The following RBFOX1 variants were observed in gnomAD, a reference collection of about 807,000 sequenced individuals.
RBFOX1 encodes RNA binding protein fox-1 homolog 1.
RBFOX1 carries 8 observed loss-of-function variants against 57.7 expected under a neutral mutation model. The ratio of observed to expected loss-of-function variants is 0.14; its 90% CI spans 0.08 to 0.25. The LOEUF is 0.25. Among genes scored for constraint, RBFOX1 ranks in the 10% least tolerant of loss-of-function variants. RBFOX1 has a pLI of 1.00. For missense variants in RBFOX1, 611 were observed against 548.5 expected, an observed-to-expected ratio of 1.11 and a Z score of -1.14; for synonymous variants, 326 against 222.4, an observed-to-expected ratio of 1.47 and a Z score of -4.15.
At position 5,397,025 on chromosome 16, in the gene RBFOX1, G is replaced by A. The variant is rs551745126; in HGVS notation, c.220-70191G>A. 1.4e-3 allele frequency among the ~76,000 whole-genome samples: 212 copies of A among 152,258 alleles called. 1 individual carries two copies. Among genetic ancestry groups the A allele is most frequent in the Non-Finnish European group, 2.4e-3 (164 of 68,022 alleles). On this transcript the variant is annotated intron_variant, in intron 1 of 2. Transcript: ENST00000585867. ...AGATCTCAGGTTGTCTGGCTTATAGGGGCCATCCCTACCAAAGGTCATAAT... is the reference window on the plus strand; with the variant it reads ...AGATCTCAGGTTGTCTGGCTTATAGAGGCCATCCCTACCAAAGGTCATAAT...
chr16:6,556,694 G>C (rs1011868813), intron 2 of RBFOX1, among the ~76,000 whole-genome samples: 1 of 152,246 alleles, frequency 6.6e-6, no homozygotes, highest in Middle Eastern at 3.4e-3. Flanking sequence ...ATGATATAGA[G>C]AATTAAATGT....
intron 9 of RBFOX1, among the ~76,000 whole-genome samples, chr16:7,604,237 T>C (rs2095186983): frequency 6.6e-6 from 1 of 151,978 alleles, no homozygotes; most frequent in Non-Finnish European, 1.5e-5. Flanking sequence ...AGAAATTGGG[T>C]TTTCATTCCC....
intron 5 of RBFOX1, among the ~76,000 whole-genome samples, chr16:7,541,321 G>T (rs1389189697): frequency 6.6e-6 from 1 of 152,198 alleles, no homozygotes; most frequent in African/African-American, 2.4e-5. Flanking sequence ...GCAAATGTGA[G>T]GCAAAGGACC....
Position 7,193,746 on chromosome 16 carries a change from C to T in RBFOX1, c.27+141648C>T, listed in dbSNP as rs1340438185. Among the ~76,000 whole-genome samples, 3 of 152,280 alleles carry T rather than the reference C, an allele frequency of 2.0e-5. No individual in the cohort carries two copies. In the East Asian group the frequency reaches 5.8e-4, roughly 29 times the overall value. On this transcript the variant is annotated intron_variant, in intron 4 of 15. Transcript: ENST00000550418. ...CAGAGCCCATGCTCTGCACCAGCAA[C>T]CATGGTAGACAGCTCAGAATATTAG...
At chr16:6,614,799 A>T (rs908384903) in intron 2 of RBFOX1, among the ~76,000 whole-genome samples, 1 of 152,190 alleles carries the variant, frequency 6.6e-6, no homozygotes, top group Non-Finnish European at 1.5e-5. Flanking sequence ...GACATCAGTC[A>T]TATTGACCTA....
intron 4 of RBFOX1, among the ~76,000 whole-genome samples, chr16:7,209,026 G>A (rs1166432643): frequency 6.6e-6 from 1 of 152,004 alleles, no homozygotes; most frequent in Non-Finnish European, 1.5e-5. Context: ...TGGGCACAGT[G>A]GCTTATGCCC....
chr16:6,497,561 T>TTA (rs1555505022), intron 2 of RBFOX1, among the ~76,000 whole-genome samples: 1 of 149,822 alleles, frequency 6.7e-6, no homozygotes, highest in African/African-American at 2.5e-5. Context: ...TTGAAGTTTT[T>TTA]AAAAAAAAAA....
At chr16:6,118,667 T>G (rs2096524587) in intron 1 of RBFOX1, among the ~76,000 whole-genome samples, 1 of 150,202 alleles carries the variant, frequency 6.7e-6, no homozygotes, top group South Asian at 2.1e-4. Flanking sequence ...TCTCCTTCCT[T>G]CCTTCCTTCT....
intron 3 of RBFOX1, among the ~76,000 whole-genome samples, chr16:6,792,066 A>T (rs758536713): frequency 1.3e-5 from 2 of 152,182 alleles, no homozygotes; most frequent in African/African-American, 4.8e-5. Context: ...GAACTATCAC[A>T]TATATTACTG....
intron 3 of RBFOX1, among the ~76,000 whole-genome samples, chr16:5,610,908 C>T (rs1470435786): frequency 1.3e-5 from 2 of 152,086 alleles, no homozygotes; most frequent in East Asian, 3.9e-4. Context: ...TCAGATCCCT[C>T]TAGTCCCTGG....
intron 2 of RBFOX1, among the ~76,000 whole-genome samples, chr16:6,638,887 T>G (rs2098464910): frequency 6.6e-6 from 1 of 152,160 alleles, no homozygotes; most frequent in South Asian, 2.1e-4. Flanking sequence ...TTCTCTAATC[T>G]TGTGGAAAGA....
chr16:7,266,984 A>C (rs968199852), intron 4 of RBFOX1, among the ~76,000 whole-genome samples: 1 of 152,230 alleles, frequency 6.6e-6, no homozygotes, highest in South Asian at 2.1e-4. Flanking sequence ...ACTGAGACCA[A>C]AAAGCTCCCC....
intron 5 of RBFOX1, among the ~76,000 whole-genome samples, chr16:7,576,094 C>T (rs935401415): frequency 4.2e-5 from 4 of 96,194 alleles, no homozygotes; most frequent in African/African-American, 1.9e-4. Context: ...CCATGATCAG[C>T]TATTTTTTTT....
chr16:5,467,243 G>T, exon 2 of RBFOX1: 2 of 1,494,788 alleles, frequency 1.3e-6, no homozygotes, highest in Non-Finnish European at 1.8e-6. Flanking sequence ...ATACAGCCTG[G>T]TTGAGGGTCA....
chr16:7,020,552 AAAATT>A (rs569845726), intron 3 of RBFOX1, among the ~76,000 whole-genome samples: 89 of 152,324 alleles, frequency 5.8e-4, no homozygotes, highest in African/African-American at 2.0e-3. Context: ...AATGTTTATG[AAAATT>A]AAATAAAATA....
At chr16:7,244,636 C>T (rs79646688) in intron 4 of RBFOX1, among the ~76,000 whole-genome samples, 1,614 of 152,294 alleles carry the variant, frequency 0.011, 34 homozygotes, top group African/African-American at 0.037. Flanking sequence ...AGTATTCAAC[C>T]AATGTTGCTG....
Position 5,401,211 on chromosome 16 carries a change from C to G in RBFOX1, c.220-66005C>G, listed in dbSNP as rs183719919. ...TGCAAATTTTTATAGTCAGTTTTTA[C>G]TTTTTAGATCCTAAATATATTTGGA... On this transcript the variant is annotated intron_variant, in intron 1 of 2. Coordinates refer to the RBFOX1 transcript ENST00000585867. Among the ~76,000 whole-genome samples, 454 of 152,148 alleles carry G rather than the reference C, an allele frequency of 3.0e-3. 16 individuals carry two copies. The highest frequency in any genetic ancestry group is 0.025 in the Admixed American group (380 of 15,278).
chr16:7,433,504 C>G (rs1212094782), intron 4 of RBFOX1, among the ~76,000 whole-genome samples: 1 of 152,150 alleles, frequency 6.6e-6, no homozygotes, highest in East Asian at 1.9e-4. Context: ...TGTTGGAGTA[C>G]AGACAAATGC....
At chr16:6,592,917 G>A (rs985818474) in intron 2 of RBFOX1, among the ~76,000 whole-genome samples, 12 of 152,262 alleles carry the variant, frequency 7.9e-5, no homozygotes, top group African/African-American at 2.9e-4. Context: ...CATTGGCTGG[G>A]CACGGTGGCT....
Sources: gnomAD v4.1 joint callset for allele counts (sites outside exome capture counted in the v4.1 genomes callset) on GRCh38, gnomAD v4.1.1 for gene constraint, MANE v1.5 for transcripts, NCBI Gene and HGNC (gene_info 2026-07-23, HGNC 2026-07-21) for gene names.